The following TPD52 variants were observed in gnomAD, a reference collection of about 807,000 sequenced individuals.
TPD52 encodes the protein tumor protein D52, also known as prostate and colon associated protein.
A neutral mutation model predicts 31.3 loss-of-function variants in TPD52; 17 were observed. That is an observed-to-expected ratio of 0.54 (90% CI 0.37 to 0.82). The LOEUF is 0.82. TPD52 is among the 40% of genes least tolerant of loss of function. The pLI is 0.00. For synonymous variants in TPD52, 83 were observed against 89.6 expected, an observed-to-expected ratio of 0.93 and a Z score of 0.42; for missense variants, 212 against 240.1, an observed-to-expected ratio of 0.88 and a Z score of 0.77.
chr8:80,079,217 TG>T (rs1203808813), intron 1 of TPD52, among the ~76,000 whole-genome samples: 2 of 152,214 alleles, frequency 1.3e-5, no homozygotes, highest in Non-Finnish European at 2.9e-5. Flanking sequence ...GGGGGCCACT[TG>T]GGCAAGGCAA....
chr8:80,106,366 T>C (rs1807108996), intron 1 of TPD52, among the ~76,000 whole-genome samples: 1 of 152,146 alleles, frequency 6.6e-6, no homozygotes, highest in Admixed American at 6.5e-5. Flanking sequence ...GTGGTTGTTG[T>C]TGTTATTTTG....
Position 80,116,584 on chromosome 8 carries a change from C to G in TPD52, c.20-51991G>C, listed in dbSNP as rs565678155. Among the ~76,000 whole-genome samples, 4 of 152,118 alleles carry G rather than the reference C, an allele frequency of 2.6e-5. No individual in the cohort carries two copies. The South Asian group carries it at 8.3e-4, about 32-fold the overall frequency. On this transcript the variant is annotated intron_variant, in intron 1 of 7. Coordinates refer to ENST00000518937, the MANE Select transcript of TPD52 (RefSeq NM_001025253.3). The stretch of plus-strand genomic sequence containing the variant: ...CAAATATTTAAAGAAGAATGAATAC[C>G]AATTATTCACAAATACTTTCAGCAT...
At chr8:80,080,871 A>G in intron 1 of TPD52, 1 of 573,244 alleles carries the variant, frequency 1.7e-6, no homozygotes, top group Non-Finnish European at 2.2e-6. Context: ...TTTAAAATAA[A>G]TAAATAAAAA....
chr8:80,043,666 G>A (rs1306112573), intron 6 of TPD52, among the ~76,000 whole-genome samples: 1 of 152,202 alleles, frequency 6.6e-6, no homozygotes, highest in Non-Finnish European at 1.5e-5. Flanking sequence ...TTAAGTTTAA[G>A]CCAAGCACAG....
chr8:80,138,090 T>A (rs942434153), intron 1 of TPD52, among the ~76,000 whole-genome samples: 1 of 152,060 alleles, frequency 6.6e-6, no homozygotes, highest in Non-Finnish European at 1.5e-5. Flanking sequence ...ATTACAGACA[T>A]GCGCCACCAC....
intron 1 of TPD52, among the ~76,000 whole-genome samples, chr8:80,084,613 A>C (rs1815589873): frequency 6.6e-6 from 1 of 152,208 alleles, no homozygotes. Context: ...TTATTAAACA[A>C]ACACAATTTT....
At chr8:80,052,887 C>G (rs1016226626) in intron 3 of TPD52, among the ~76,000 whole-genome samples, 1 of 152,088 alleles carries the variant, frequency 6.6e-6, no homozygotes, top group African/African-American at 2.4e-5. Context: ...AATTCCCACT[C>G]CACATTTTGA....
At chr8:80,054,121 G>C (rs1325355972) in intron 2 of TPD52, among the ~76,000 whole-genome samples, 1 of 152,198 alleles carries the variant, frequency 6.6e-6, no homozygotes. Flanking sequence ...TCAAGAGCCA[G>C]TGGATGAGCC....
intron 1 of TPD52, among the ~76,000 whole-genome samples, chr8:80,103,543 G>C (rs80049514): frequency 1.5e-3 from 236 of 152,298 alleles, no homozygotes; most frequent in African/African-American, 5.2e-3. Context: ...TCTGATATCA[G>C]AAGTGGGATC....
At chr8:80,135,152 A>C (rs1400930797) in intron 1 of TPD52, among the ~76,000 whole-genome samples, 3 of 152,238 alleles carry the variant, frequency 2.0e-5, no homozygotes, top group African/African-American at 4.8e-5. Context: ...CACAAGACCC[A>C]GTGAATTTAA....
chr8:80,152,182 G>A (rs1024423238), intron 1 of TPD52, among the ~76,000 whole-genome samples: 8 of 151,194 alleles, frequency 5.3e-5, no homozygotes, highest in African/African-American at 1.7e-4. Flanking sequence ...ATGCCCCCCC[G>A]ACCCCAGGAG....
intron 1 of TPD52, among the ~76,000 whole-genome samples, chr8:80,069,056 A>T (rs931131768): frequency 2.6e-5 from 4 of 152,256 alleles, no homozygotes; most frequent in Non-Finnish European, 5.9e-5. Context: ...AATAAGTTAG[A>T]TTATGGGTGT....
chr8:80,042,448 G>T, intron 7 of TPD52, 172 bp downstream of exon 7: 1 of 985,404 alleles, frequency 1.0e-6, no homozygotes, highest in South Asian at 4.7e-5. Flanking sequence ...ACACTAAAAA[G>T]ATATTAAGTA....
intron 7 of TPD52, chr8:80,042,147 T>A (rs1356091931): frequency 2.0e-6 from 2 of 979,186 alleles, no homozygotes; most frequent in Non-Finnish European, 2.4e-6. Flanking sequence ...AGAGAATACT[T>A]ACTGATACAG....
chr8:80,090,402 G>A (rs894218016), intron 1 of TPD52, among the ~76,000 whole-genome samples: 2 of 149,462 alleles, frequency 1.3e-5, no homozygotes, highest in Non-Finnish European at 3.0e-5. Flanking sequence ...AAATGTGTGT[G>A]TTTAAGAGCA....
At chr8:80,054,412 G>A (rs1811662494) in intron 2 of TPD52, among the ~76,000 whole-genome samples, 2 of 152,156 alleles carry the variant, frequency 1.3e-5, no homozygotes, top group Non-Finnish European at 2.9e-5. Flanking sequence ...CAGAAACAGG[G>A]AAAAGGGTGG....
At chr8:80,132,492 G>A (rs768603005) in intron 1 of TPD52, among the ~76,000 whole-genome samples, 25 of 152,168 alleles carry the variant, frequency 1.6e-4, no homozygotes, top group Non-Finnish European at 1.5e-4. Context: ...ACAGGTGTGA[G>A]CCACCATGCC....
chr8:80,161,152 A>G (rs1194231762), intron 1 of TPD52, among the ~76,000 whole-genome samples: 3 of 152,220 alleles, frequency 2.0e-5, no homozygotes, highest in Admixed American at 6.5e-5. Flanking sequence ...TTTATTGAGC[A>G]CTATATCCAA....
At chr8:80,124,083 G>GA (rs1302370858) in intron 1 of TPD52, among the ~76,000 whole-genome samples, 1 of 151,850 alleles carries the variant, frequency 6.6e-6, no homozygotes, top group East Asian at 1.9e-4. Context: ...AACTGTGCAG[G>GA]AAAAAGGGAG....
Sources: allele counts gnomAD v4.1 joint callset (sites outside exome capture counted in the v4.1 genomes callset), GRCh38; gene constraint gnomAD v4.1.1; transcripts MANE v1.5; gene names NCBI Gene and HGNC (gene_info 2026-07-23, HGNC 2026-07-21).